The following MED13L variants were observed in gnomAD, a reference collection of about 807,000 sequenced individuals.
MED13L encodes mediator of RNA polymerase II transcription subunit 13-like.
MED13L carries 7 observed loss-of-function variants against 220.9 expected under a neutral mutation model. The observed-to-expected ratio is 0.03, with a 90% CI of 0.02 to 0.06. MED13L has a LOEUF of 0.06. Among genes scored for constraint, MED13L ranks in the 10% least tolerant of loss-of-function variants. MED13L has a pLI of 1.00. For synonymous variants in MED13L, 1,011 were observed against 1,015.2 expected, an observed-to-expected ratio of 1.00 and a Z score of 0.08; for missense variants, 1,965 against 2,760.5, an observed-to-expected ratio of 0.71 and a Z score of 6.46.
At chr12:116,232,041 T>C in intron 2 of MED13L, 1 of 962,124 alleles carries the variant, frequency 1.0e-6, no homozygotes, top group South Asian at 4.8e-5. Flanking sequence ...ATAGTACTAG[T>C]ATCTTAAATT....
chr12:116,160,131 G>T (rs1236333536), intron 2 of MED13L, among the ~76,000 whole-genome samples: 1 of 152,064 alleles, frequency 6.6e-6, no homozygotes, highest in South Asian at 2.1e-4. Context: ...CTATAATTCT[G>T]CTACAATTCA....
Position 115,996,609 on chromosome 12 carries a change from T to G in MED13L, c.2863A>C (p.Met955Leu). ...GGTAGCAAACAATGGCTCGGCAACA[T>G]CTTCAGTGGAGCAAACATGGAGGAT... ...VGSSMFAPLK[M>L]LPSHCLLPLK... The change falls in exon 16 of 31, where the codon ATG becomes CTG. Residue 955 changes from methionine (M) to leucine (L), a missense_variant. Transcript: ENST00000281928. The G allele has an allele frequency of 6.2e-7, 1 of 1,613,968 alleles. No individual in the cohort carries two copies. Among genetic ancestry groups the G allele is most frequent in the Non-Finnish European group, 8.5e-7 (1 of 1,179,954 alleles).
At position 115,979,244 on chromosome 12, in the gene MED13L, A is replaced by G. The variant is rs144261462; in HGVS notation, c.5364+1506T>C. Among the ~76,000 whole-genome samples the G allele has an allele frequency of 2.2e-3, 334 of 152,350 alleles. 1 individual carries two copies. Among genetic ancestry groups the G allele is most frequent in the African/African-American group, 7.7e-3 (320 of 41,586 alleles). ...AATGGAGAAAAACGATATTACTCGA[A>G]GTCTTTTTGCCATTTATTTTAATCT... On this transcript the variant is annotated intron_variant, in intron 23 of 30. Coordinates refer to ENST00000281928, the MANE Select transcript of MED13L (RefSeq NM_015335.5).
chr12:116,226,758 A>G (rs1869039698), intron 2 of MED13L, among the ~76,000 whole-genome samples: 1 of 151,822 alleles, frequency 6.6e-6, no homozygotes. Flanking sequence ...AATCCCAGCT[A>G]CTTGGGAGGC....
At chr12:116,103,010 C>T (rs1447867416) in intron 3 of MED13L, among the ~76,000 whole-genome samples, 1 of 152,046 alleles carries the variant, frequency 6.6e-6, no homozygotes, top group African/African-American at 2.4e-5. Context: ...GCCATCGCAC[C>T]AGGCGATCCC....
intron 2 of MED13L, among the ~76,000 whole-genome samples, chr12:116,208,920 A>G (rs1254924656): frequency 2.6e-5 from 4 of 152,048 alleles, no homozygotes; most frequent in African/African-American, 4.8e-5. Context: ...ACAGTAAGCT[A>G]TGACTGTGCC....
At chr12:115,996,174 T>A (rs1298840948) in intron 16 of MED13L, among the ~76,000 whole-genome samples, 1 of 152,050 alleles carries the variant, frequency 6.6e-6, no homozygotes, top group Non-Finnish European at 1.5e-5. Context: ...CACTGCAACC[T>A]CCACCTCCCG....
intron 4 of MED13L, among the ~76,000 whole-genome samples, chr12:116,087,688 G>A (rs1200183480): frequency 6.6e-6 from 1 of 152,020 alleles, no homozygotes; most frequent in African/African-American, 2.4e-5. Context: ...TCACCTCCCA[G>A]ACCTTCCTTC....
intron 2 of MED13L, among the ~76,000 whole-genome samples, chr12:116,114,639 A>G (rs1874364235): frequency 1.3e-5 from 2 of 152,184 alleles, no homozygotes; most frequent in East Asian, 1.9e-4. Flanking sequence ...TTCATCCAAT[A>G]CAATAGGGCA....
chr12:115,967,783 C>T (rs1876282526), intron 28 of MED13L, among the ~76,000 whole-genome samples: 1 of 152,088 alleles, frequency 6.6e-6, no homozygotes, highest in Non-Finnish European at 1.5e-5. Context: ...CAAATTAAAC[C>T]CAACTTTAAA....
In MED13L at chr12:116,103,254, C is replaced by T. The variant is rs1430237228; in HGVS notation, c.396-6502G>A. ...TCCAACTACCAAATAAAATTATGTA[C>T]TTATTTATTTATGTTTAGAGACAGA... On this transcript the variant is annotated intron_variant, in intron 3 of 30. Transcript: ENST00000281928. 4.0e-5 allele frequency among the ~76,000 whole-genome samples: 6 copies of T among 151,698 alleles called. No homozygotes were observed. In the South Asian group the frequency reaches 1.2e-3, roughly 32 times the overall value.
chr12:116,189,803 T>C (rs545626414), intron 2 of MED13L, among the ~76,000 whole-genome samples: 2 of 152,320 alleles, frequency 1.3e-5, no homozygotes, highest in South Asian at 2.1e-4. Flanking sequence ...CAATTATAAA[T>C]GGTTCTGTAT....
In MED13L at chr12:115,975,733, G is replaced by A. The variant is rs974577637; in HGVS notation, c.5370C>T (p.Pro1790=). ...GAGGGGAGTAAAGCTGGATTGGGCT[G>A]GGCCGCTGAAATCAAAACCAAAATC... ...IEMTLKNPER[P]SPIQLYSPPF... Residue 1790 remains proline (P), a synonymous_variant, in exon 24 of 31, where the codon CCC becomes CCT. Transcript: ENST00000281928. 1.2e-6 allele frequency: 2 copies of A among 1,613,548 alleles called. No individual in the cohort carries two copies. The highest frequency in any genetic ancestry group is 1.3e-5 in the African/African-American group (1 of 74,824).
chr12:116,040,450 A>G (rs1169215796), intron 4 of MED13L, among the ~76,000 whole-genome samples: 3 of 152,244 alleles, frequency 2.0e-5, no homozygotes, highest in African/African-American at 7.2e-5. Context: ...TGAAATAATC[A>G]CACAATCTAT....
At chr12:116,079,937 C>T (rs989042832) in intron 4 of MED13L, among the ~76,000 whole-genome samples, 5 of 152,064 alleles carry the variant, frequency 3.3e-5, no homozygotes, top group African/African-American at 1.2e-4. Context: ...CTTGTCCAAC[C>T]CGTAAACCAT....
chr12:116,018,096 T>C (rs539977446), intron 7 of MED13L, among the ~76,000 whole-genome samples: 2 of 152,320 alleles, frequency 1.3e-5, no homozygotes, highest in South Asian at 4.1e-4. Flanking sequence ...ACCACTTGTA[T>C]ATGACTTTAT....
intron 3 of MED13L, among the ~76,000 whole-genome samples, chr12:116,100,081 T>TAAAA (rs1369998683): frequency 6.6e-6 from 1 of 152,192 alleles, no homozygotes; most frequent in African/African-American, 2.4e-5. Context: ...TTTACTCAGT[T>TAAAA]TTTTAAGTAC....
At chr12:116,121,619 C>T (rs565777789) in intron 2 of MED13L, among the ~76,000 whole-genome samples, 31 of 152,246 alleles carry the variant, frequency 2.0e-4, no homozygotes, top group African/African-American at 7.2e-4. Flanking sequence ...GTCACCCAGC[C>T]TTACACAGTT....
Position 116,008,396 on chromosome 12 carries a change from C to T in MED13L, c.2012+5G>A. 1 of 1,606,798 alleles carries T rather than the reference C, an allele frequency of 6.2e-7. No individual in the cohort carries two copies. The highest frequency in any genetic ancestry group is 8.5e-7 in the Non-Finnish European group (1 of 1,176,736). On this transcript the variant is annotated splice_donor_5th_base_variant and intron_variant, in intron 10 of 30. Transcript: ENST00000281928. ...ACGGGTGGGTGGTGCAGAGAGCTGT[C>T]TTACCTTTGCAATGCAGTGCTCTCT...
Sources: allele counts gnomAD v4.1 joint callset (sites outside exome capture counted in the v4.1 genomes callset), GRCh38; gene constraint gnomAD v4.1.1; transcripts MANE v1.5; gene names NCBI Gene and HGNC (gene_info 2026-07-23, HGNC 2026-07-21).